The following ETFDH variants were observed in gnomAD, a reference collection of about 807,000 sequenced individuals.
ETFDH encodes the protein electron transfer flavoprotein dehydrogenase.
In ETFDH, 61 loss-of-function variants were observed where a neutral mutation model predicts 73.2. That is an observed-to-expected ratio of 0.83 (90% CI 0.68 to 1.03). The LOEUF (loss-of-function observed/expected upper bound fraction) is 1.03. Ranked by LOEUF, ETFDH falls within the 50% of genes least tolerant of loss-of-function variation. ETFDH has a pLI of 0.00. For synonymous variants in ETFDH, 243 were observed against 253.3 expected (o/e 0.96, Z 0.39); for missense variants, 685 against 745.0 (o/e 0.92, Z 0.94).
chr4:158,698,919 G>A, intron 8 of ETFDH, 68 bp from the exon 9 acceptor site: 1 of 1,139,960 alleles, frequency 8.8e-7, no homozygotes, highest in Non-Finnish European at 1.3e-6. Flanking sequence ...GATAAACATT[G>A]CTTACATTTT....
At chr4:158,707,480 C>T (rs747178134) in intron 12 of ETFDH, among the ~76,000 whole-genome samples, 1 of 152,152 alleles carries the variant, frequency 6.6e-6, no homozygotes, top group Non-Finnish European at 1.5e-5. Flanking sequence ...CAGTCACCCA[C>T]GGTCTGAAAA....
At chr4:158,682,600 C>G (rs950087877) in intron 3 of ETFDH, among the ~76,000 whole-genome samples, 176 bp downstream of exon 3, 2 of 150,738 alleles carry the variant, frequency 1.3e-5, no homozygotes, top group Non-Finnish European at 2.9e-5. Context: ...ATGGCGCGAT[C>G]TTGGCTCACT....
At position 158,693,886 on chromosome 4, in the gene ETFDH, G is replaced by A. The variant is rs79300650; in HGVS notation, c.685-1611G>A. ...AAAAAAGACAACACATTGGAAAAAT[G>A]GGTAGAGTCTAAAAAATTAACAATT... is the stretch of plus-strand genomic sequence containing the variant. On this transcript the variant is annotated intron_variant, in intron 6 of 12. Transcript: ENST00000511912. Among the ~76,000 whole-genome samples, 285 of 152,290 alleles carry A rather than the reference G, an allele frequency of 1.9e-3. 1 individual carries two copies. Among genetic ancestry groups the A allele is most frequent in the Admixed American group, 7.7e-3 (118 of 15,292 alleles).
intron 10 of ETFDH, among the ~76,000 whole-genome samples, chr4:158,704,828 G>A (rs576487887): frequency 1.9e-4 from 29 of 152,298 alleles, no homozygotes; most frequent in East Asian, 3.9e-4. Flanking sequence ...GAGGCCTAGC[G>A]TGGGGAGATG....
intron 2 of ETFDH, 39 bp from the exon 3 acceptor site, chr4:158,682,156 A>G (rs745408554): frequency 6.2e-7 from 1 of 1,610,910 alleles, no homozygotes; most frequent in Non-Finnish European, 8.5e-7. Context: ...TCATGTGATT[A>G]TTGGGTTATA....
At chr4:158,676,335 C>A (rs1773710365) in intron 1 of ETFDH, among the ~76,000 whole-genome samples, 1 of 151,994 alleles carries the variant, frequency 6.6e-6, no homozygotes, top group Non-Finnish European at 1.5e-5. Context: ...GCCAGCTGAT[C>A]CATCAAGTGC....
rs1580422708 is a variant in ETFDH at position 158,706,277 on chromosome 4, C to A, written c.1374C>A (p.Cys458Ter). 6.2e-7 allele frequency: 1 copy of A among 1,610,812 alleles called. No homozygotes were observed. Among genetic ancestry groups the A allele is most frequent in the Non-Finnish European group, 8.5e-7 (1 of 1,176,994 alleles). The change falls in exon 11 of 13, where the codon TGC becomes TGA. Residue 458 changes from cysteine to a stop codon, truncating the protein, a stop_gained. Coordinates refer to ENST00000511912, the MANE Select transcript of ETFDH (RefSeq NM_004453.4). LOFTEE classifies it high-confidence loss of function. ...CTGTTAGAAATATAAGACCGTCCTG[C>A]CACGGAGTACTGGGTGTATATGGAG... ...LYSVRNIRPS[C>*]HGVLGVYGGM...
chr4:158,700,574 A>ACACACACACACACACACG (rs1774435409), intron 9 of ETFDH: 7 of 33,390 alleles, frequency 2.1e-4, no homozygotes, highest in African/African-American at 4.8e-4. Context: ...ACACACACGC[A>ACACACACACACACACACG]CACACACACA....
In ETFDH at chr4:158,672,326, G is replaced by A. The variant is rs1773589116; in HGVS notation, c.-131G>A. The stretch of plus-strand genomic sequence containing the variant: ...GCAAGAGCGGTCGGCAGAGCGGGGA[G>A]GCGAACTGCAGCAGAGTTCTTGCTT... On this transcript the variant is annotated 5_prime_UTR_variant, in exon 1 of 13. Coordinates refer to ENST00000511912, the MANE Select transcript of ETFDH (RefSeq NM_004453.4). 2.2e-6 allele frequency: 2 copies of A among 917,234 alleles called. No individual in the cohort carries two copies. Among genetic ancestry groups the A allele is most frequent in the Middle Eastern group, 3.1e-4 (1 of 3,178 alleles). 56.8% of individuals were successfully genotyped at this position (917,234 alleles called of 1,614,324 possible). A position where few individuals can be genotyped will look rare whatever the true frequency, so the allele number is the denominator to read the frequency against.
chr4:158,689,086 A>T (rs1295905698), intron 5 of ETFDH, among the ~76,000 whole-genome samples: 1 of 152,202 alleles, frequency 6.6e-6, no homozygotes, highest in Non-Finnish European at 1.5e-5. Context: ...ACTGCCATGT[A>T]TCTCAGAGAG....
chr4:158,680,439 G>T, intron 1 of ETFDH, 28 bp from the exon 2 acceptor site: 1 of 1,567,124 alleles, frequency 6.4e-7, no homozygotes, highest in Non-Finnish European at 8.8e-7. Flanking sequence ...TTTTAAGGAA[G>T]ATAATAATTT....
chr4:158,673,583 A>G (rs900311617), intron 1 of ETFDH, among the ~76,000 whole-genome samples: 5 of 152,196 alleles, frequency 3.3e-5, no homozygotes, highest in African/African-American at 1.2e-4. Flanking sequence ...TGAAAGTAGA[A>G]TTTTGTTAAA....
chr4:158,692,165 A>AGGC (rs1054593011), intron 6 of ETFDH, among the ~76,000 whole-genome samples: 1 of 152,084 alleles, frequency 6.6e-6, no homozygotes, highest in African/African-American at 2.4e-5. Flanking sequence ...AGGCTGAGGC[A>AGGC]GGCAGATCAC....
Position 158,680,571 on chromosome 4 carries a change from A to C in ETFDH, c.139A>C (p.Thr47Pro), listed in dbSNP as rs924962456. The change falls in exon 2 of 13, where the codon ACT (threonine) becomes CCT (proline). Residue 47 changes from threonine (T) to proline (P), a missense_variant. By Grantham distance (38) the Thr-to-Pro change is conservative. This residue lies in a region of ETFDH where 405 missense variants were observed against 399.3 expected (regional missense o/e 1.01). Transcript: ENST00000511912. Reference sequence around the variant, plus strand: ...TGTGCCTCGAATTACTACCCATTATACTATTTATCCCCGGGATAAGGACAA... The same window carrying C: ...TGTGCCTCGAATTACTACCCATTATCCTATTTATCCCCGGGATAAGGACAA... ...STVPRITTHY[T>P]IYPRDKDKRW... The C allele has an allele frequency of 6.2e-7, 1 of 1,609,414 alleles. No homozygotes were observed. The highest frequency in any genetic ancestry group is 1.3e-5 in the African/African-American group (1 of 74,850).
chr4:158,675,520 G>A (rs76656858), intron 1 of ETFDH, among the ~76,000 whole-genome samples: 1,771 of 152,190 alleles, frequency 0.012, 26 homozygotes, highest in African/African-American at 0.038. Flanking sequence ...GAATCCCAGC[G>A]TTTTGGGAGG....
intron 6 of ETFDH, among the ~76,000 whole-genome samples, chr4:158,692,549 G>A (rs541123267): frequency 9.2e-5 from 14 of 152,084 alleles, no homozygotes; most frequent in African/African-American, 3.4e-4. Flanking sequence ...CAAGCCTCCA[G>A]GGATTCCGAT....
chr4:158,682,037 T>A, intron 2 of ETFDH, 158 bp from the exon 3 acceptor site: 1 of 919,064 alleles, frequency 1.1e-6, no homozygotes, highest in Admixed American at 2.2e-5. Context: ...AATATAATCA[T>A]ACTAATACAG....
At chr4:158,704,999 A>G (rs996641530) in intron 10 of ETFDH, among the ~76,000 whole-genome samples, 1 of 152,088 alleles carries the variant, frequency 6.6e-6, no homozygotes, top group Non-Finnish European at 1.5e-5. Context: ...TGTATATAGT[A>G]CCACACATAG....
At chr4:158,698,670 T>A (rs541915132) in intron 8 of ETFDH, among the ~76,000 whole-genome samples, 2 of 152,278 alleles carry the variant, frequency 1.3e-5, no homozygotes, top group Admixed American at 1.3e-4. Flanking sequence ...GTTGTTCATT[T>A]TTATTTTCTA....
Sources: gnomAD v4.1 joint callset for allele counts (sites outside exome capture counted in the v4.1 genomes callset) on GRCh38, gnomAD v4.1.1 for gene constraint, gnomAD v4.1.1 regional missense constraint, MANE v1.5 for transcripts, NCBI Gene and HGNC (gene_info 2026-07-23, HGNC 2026-07-21) for gene names.